CREB3L1: variants seen among roughly 807,000 people sequenced by gnomAD.
CREB3L1 encodes cyclic AMP-responsive element-binding protein 3-like protein 1.
A neutral mutation model predicts 54.5 loss-of-function variants in CREB3L1; 33 were observed. The ratio of observed to expected loss-of-function variants is 0.61; its 90% CI spans 0.46 to 0.81. The LOEUF (loss-of-function observed/expected upper bound fraction) is 0.81. Ranked by LOEUF, CREB3L1 falls within the 30% of genes least tolerant of loss-of-function variation. The pLI is 0.00. For missense variants in CREB3L1, 656 were observed against 673.3 expected, an observed-to-expected ratio of 0.97 and a Z score of 0.29; for synonymous variants, 284 against 286.4, an observed-to-expected ratio of 0.99 and a Z score of 0.08.
chr11:46,293,563 G>A (rs901560793), intron 1 of CREB3L1, among the ~76,000 whole-genome samples: 2 of 152,224 alleles, frequency 1.3e-5, no homozygotes, highest in East Asian at 1.9e-4. Context: ...GAAGTAGCCC[G>A]CGGCTGGCGC....
intron 2 of CREB3L1, among the ~76,000 whole-genome samples, chr11:46,306,268 CA>C (rs2136350408): frequency 6.6e-6 from 1 of 152,280 alleles, no homozygotes; most frequent in African/African-American, 2.4e-5. Context: ...GTAATCCCAG[CA>C]CTTCAGGAGG....
intron 3 of CREB3L1, among the ~76,000 whole-genome samples, chr11:46,308,478 T>C (rs1939435195): frequency 6.6e-6 from 1 of 152,222 alleles, no homozygotes; most frequent in South Asian, 2.1e-4. Context: ...CCTCCACCAA[T>C]GTGTAGATGA....
intron 9 of CREB3L1, among the ~76,000 whole-genome samples, chr11:46,317,138 G>A (rs2136358671): frequency 6.6e-6 from 1 of 152,328 alleles, no homozygotes; most frequent in East Asian, 1.9e-4. Context: ...ACTGCCTGTG[G>A]CGACCCCCCT....
intron 1 of CREB3L1, among the ~76,000 whole-genome samples, chr11:46,282,455 CCA>C (rs1437089094): frequency 6.6e-6 from 1 of 152,132 alleles, no homozygotes; most frequent in Non-Finnish European, 1.5e-5. Flanking sequence ...TCCGTTTTCC[CCA>C]GTTTCTTCTT....
Position 46,278,015 on chromosome 11 carries a change from C to A in CREB3L1, c.-97C>A. On this transcript the variant is annotated 5_prime_UTR_variant, in exon 1 of 12. Coordinates refer to ENST00000621158, the MANE Select transcript of CREB3L1 (RefSeq NM_052854.4). The surrounding 1 kb of genome is among the most constrained non-coding windows in gnomAD (Gnocchi z 4.2). ...GCTTCGCCCCGGACCTGCCCCCCGC[C>A]CGTTTGCCAGCGCTCAGGCAGGAGC... 1 of 584,086 alleles carries A rather than the reference C, an allele frequency of 1.7e-6. No homozygotes were observed. The highest frequency in any genetic ancestry group is 2.7e-6 in the Non-Finnish European group (1 of 374,224). The allele number at this position is 584,086 out of a possible 1,614,324, so 36.2% of individuals were successfully genotyped here. A position where few individuals can be genotyped will look rare whatever the true frequency, so the allele number is the denominator to read the frequency against.
At chr11:46,282,002 T>G (rs1407441356) in intron 1 of CREB3L1, among the ~76,000 whole-genome samples, 1 of 152,204 alleles carries the variant, frequency 6.6e-6, no homozygotes. Context: ...TAAGTTCGTT[T>G]TGAGCAGAGG....
At chr11:46,303,686 G>A (rs1283524283) in intron 2 of CREB3L1, among the ~76,000 whole-genome samples, 1 of 151,680 alleles carries the variant, frequency 6.6e-6, no homozygotes, top group Non-Finnish European at 1.5e-5. Flanking sequence ...TATTTTCACT[G>A]TGCACATAAA....
At chr11:46,301,535 T>C (rs1427360124) in intron 2 of CREB3L1, among the ~76,000 whole-genome samples, 1 of 151,988 alleles carries the variant, frequency 6.6e-6, no homozygotes, top group Admixed American at 6.6e-5. Flanking sequence ...CATTACATGC[T>C]GCCTGTCATC....
intron 2 of CREB3L1, among the ~76,000 whole-genome samples, chr11:46,304,225 C>A (rs565748385): frequency 2.0e-5 from 3 of 152,300 alleles, no homozygotes; most frequent in Admixed American, 6.5e-5. Context: ...GTAATCCCAG[C>A]ACTTTGGTAG....
At chr11:46,286,325 C>T (rs59291790) in intron 1 of CREB3L1, among the ~76,000 whole-genome samples, 13,203 of 152,234 alleles carry the variant, frequency 0.087, 668 homozygotes, top group African/African-American at 0.14. Flanking sequence ...TTGCTTCATT[C>T]GTTCACTCAT....
At position 46,278,247 on chromosome 11, in the gene CREB3L1, C is replaced by A; in HGVS notation, c.102+34C>A. On this transcript the variant is annotated intron_variant, in intron 1 of 11. Coordinates refer to ENST00000621158, the MANE Select transcript of CREB3L1 (RefSeq NM_052854.4). This position sits in a 1 kb window ranked among gnomAD's most constrained non-coding sequence, Gnocchi z 4.2. ...AAGGGTCTCCGTTCCCGTTCCACCC[C>A]TCGGCACCCGTCCTCGCGGCGCGCC... 2.1e-6 allele frequency: 3 copies of A among 1,411,968 alleles called. No individual in the cohort carries two copies. Among genetic ancestry groups the A allele is most frequent in the South Asian group, 1.3e-5 (1 of 79,126 alleles). 87.5% of individuals were successfully genotyped at this position (1,411,968 alleles called of 1,614,324 possible).
Position 46,300,180 on chromosome 11 carries a change from C to G in CREB3L1, c.331+17C>G, listed in dbSNP as rs531484710. On this transcript the variant is annotated intron_variant, in intron 2 of 11. Coordinates refer to ENST00000621158, the MANE Select transcript of CREB3L1 (RefSeq NM_052854.4). ...CCACCCAAGGTAAGAGGTGGAAGAA[C>G]CTGGGGACAGCACAGGCCCAGGAGG... 1.9e-6 allele frequency: 3 copies of G among 1,590,616 alleles called. No individual in the cohort carries two copies. The highest frequency in any genetic ancestry group is 4.5e-5 in the East Asian group (2 of 44,260).
intron 1 of CREB3L1, among the ~76,000 whole-genome samples, chr11:46,284,682 AGGGACT>A (rs1312323923): frequency 6.6e-6 from 1 of 150,792 alleles, no homozygotes; most frequent in East Asian, 1.9e-4. Flanking sequence ...GCATTTCCAC[AGGGACT>A]GGGGCCATGT....
intron 3 of CREB3L1, among the ~76,000 whole-genome samples, chr11:46,309,262 A>T (rs1031916967): frequency 2.0e-5 from 3 of 152,054 alleles, no homozygotes; most frequent in African/African-American, 7.2e-5. Context: ...CAATATCATG[A>T]TCTCTCTGGG....
chr11:46,284,962 AG>A (rs2136335308), intron 1 of CREB3L1, among the ~76,000 whole-genome samples: 1 of 152,226 alleles, frequency 6.6e-6, no homozygotes, highest in African/African-American at 2.4e-5. Flanking sequence ...CCCCTGAATA[AG>A]CTCCCACATC....
rs1459237289 is a variant in CREB3L1, at chr11:46,311,056, C to T, written c.620C>T (p.Thr207Met). ...TPEDLVQMPP[T>M]PPSSHGSDSD... ...GAGGACCTGGTGCAGATGCCTCCGA[C>T]GCCCCCCAGCAGCCATGGCAGTGAC... Residue 207 changes from threonine to methionine, a missense_variant, in exon 5 of 12, where the codon ACG becomes ATG. By Grantham distance (81) the Thr-to-Met change is moderately conservative. Around this residue, in one of 3 missense-constraint regions of CREB3L1, gnomAD observed 339 missense variants for 331.5 expected, o/e 1.02. Transcript: ENST00000621158. 3.1e-6 allele frequency: 5 copies of T among 1,606,366 alleles called. No homozygotes were observed. The highest frequency in any genetic ancestry group is 1.1e-5 in the South Asian group (1 of 90,296).
At chr11:46,316,076 A>G (rs1033868562) in intron 8 of CREB3L1, 31 of 496,642 alleles carry the variant, frequency 6.2e-5, no homozygotes, top group Non-Finnish European at 1.0e-4. Context: ...CTGAGCTTCC[A>G]CAAGGTGACC....
intron 3 of CREB3L1, among the ~76,000 whole-genome samples, chr11:46,309,287 C>T (rs1010559334): frequency 5.3e-5 from 8 of 152,200 alleles, no homozygotes; most frequent in African/African-American, 1.9e-4. Context: ...CAGCCCAGGG[C>T]CTGCAATCCA....
At chr11:46,293,339 C>T (rs1177168722) in intron 1 of CREB3L1, among the ~76,000 whole-genome samples, 1 of 152,240 alleles carries the variant, frequency 6.6e-6, no homozygotes. Flanking sequence ...TCGCTTCCTC[C>T]TGCCCAGACA....
Sources: allele counts gnomAD v4.1 joint callset (sites outside exome capture counted in the v4.1 genomes callset), GRCh38; gene constraint gnomAD v4.1.1; regional missense constraint gnomAD v4.1.1; non-coding constraint Gnocchi (gnomAD v3.1); transcripts MANE v1.5; gene names NCBI Gene and HGNC (gene_info 2026-07-23, HGNC 2026-07-21).